Variants in RPIA observed in about 807,000 individuals in gnomAD.
RPIA encodes ribose-5-phosphate isomerase.
In RPIA, 29 loss-of-function variants were observed where a neutral mutation model predicts 37.8. The observed-to-expected ratio is 0.77, with a 90% CI of 0.57 to 1.05. The LOEUF is 1.05. Among genes scored for constraint, RPIA ranks in the 50% least tolerant of loss-of-function variants. The pLI is 0.00. For synonymous variants in RPIA, 167 were observed against 157.0 expected (o/e 1.06, Z -0.48); for missense variants, 385 against 413.6 (o/e 0.93, Z 0.60).
At chr2:88,718,311 T>C (rs950654346) in intron 3 of RPIA, among the ~76,000 whole-genome samples, 2 of 152,216 alleles carry the variant, frequency 1.3e-5, no homozygotes, top group African/African-American at 4.8e-5. Flanking sequence ...CTTGGCCTTA[T>C]TATTTGTATA....
chr2:88,739,475 A>G (rs1673357273), intron 8 of RPIA, among the ~76,000 whole-genome samples: 1 of 152,232 alleles, frequency 6.6e-6, no homozygotes, highest in African/African-American at 2.4e-5. Flanking sequence ...GTGTTTGTTG[A>G]ATGAATAAAT....
In RPIA at chr2:88,734,615, G is replaced by A. The variant is rs757879894; in HGVS notation, c.526G>A (p.Gly176Arg). The A allele has an allele frequency of 5.6e-6, 9 of 1,614,042 alleles. No individual in the cohort carries two copies. The highest frequency in any genetic ancestry group is 7.6e-6 in the Non-Finnish European group (9 of 1,179,990). Reference sequence around the variant, plus strand: ...TGATCTCAATCTCATCAAGGGTGGCGGGTGAGTGTTGTGGGGGCTTCTGTG... The same window carrying A: ...TGATCTCAATCTCATCAAGGGTGGCAGGTGAGTGTTGTGGGGGCTTCTGTG... ...DADLNLIKGGGGCLTQEKIVA... is the reference protein window; with the variant it reads ...DADLNLIKGGRGCLTQEKIVA... The change falls in exon 5 of 9, where the codon GGA (glycine) becomes AGA (arginine). Residue 176 changes from glycine to arginine, a missense_variant and splice_region_variant. Coordinates refer to ENST00000283646, the MANE Select transcript of RPIA (RefSeq NM_144563.3).
Position 88,750,159 on chromosome 2 carries a change from T to C in RPIA, c.*81T>C. 1.0e-6 allele frequency: 1 copy of C among 963,680 alleles called. No homozygotes were observed. 59.7% of individuals were successfully genotyped at this position (963,680 alleles called of 1,614,324 possible). A position where few individuals can be genotyped will look rare whatever the true frequency, so the allele number is the denominator to read the frequency against. On this transcript the variant is annotated 3_prime_UTR_variant, in exon 9 of 9. Transcript: ENST00000283646. ...ACGTACCTCTCCAGGAGCCTTTGCC[T>C]TAATGTATCTCTGCCTGGACAACTT...
At chr2:88,695,226 C>T (rs1031366430) in intron 1 of RPIA, among the ~76,000 whole-genome samples, 3 of 152,152 alleles carry the variant, frequency 2.0e-5, no homozygotes, top group Admixed American at 2.0e-4. Flanking sequence ...GTTAATCAAA[C>T]CCAAAGAGAG....
At chr2:88,692,162 T>C (rs1450936832) in intron 1 of RPIA, among the ~76,000 whole-genome samples, 179 bp downstream of exon 1, 1 of 152,178 alleles carries the variant, frequency 6.6e-6, no homozygotes, top group Non-Finnish European at 1.5e-5. Context: ...CTTAAAGACC[T>C]TTTAGATGTG....
rs772628961 is a variant in RPIA at position 88,699,988 on chromosome 2, A to C, written c.347-21A>C. On this transcript the variant is annotated intron_variant, in intron 2 of 8. Coordinates refer to ENST00000283646, the MANE Select transcript of RPIA (RefSeq NM_144563.3). Reference sequence around the variant, plus strand: ...AAGTAAGGAGAGTGAAAAACTGCCAATATGGCTTTTGTTTCCACAGCTGAA... The same window carrying C: ...AAGTAAGGAGAGTGAAAAACTGCCACTATGGCTTTTGTTTCCACAGCTGAA... 45 of 1,613,776 alleles carry C rather than the reference A, an allele frequency of 2.8e-5. No individual in the cohort carries two copies. In the Admixed American group the frequency reaches 5.7e-4, roughly 20 times the overall value.
chr2:88,748,539 T>A (rs1352263828), intron 8 of RPIA, among the ~76,000 whole-genome samples: 1 of 152,232 alleles, frequency 6.6e-6, no homozygotes, highest in Non-Finnish European at 1.5e-5. Context: ...CCTGGTCCAT[T>A]ATACCTTTTC....
At chr2:88,733,966 G>A (rs1217453183) in intron 4 of RPIA, among the ~76,000 whole-genome samples, 2 of 152,132 alleles carry the variant, frequency 1.3e-5, no homozygotes, top group Non-Finnish European at 2.9e-5. Context: ...TAGTGGCAAT[G>A]CCCCAGTAAT....
intron 5 of RPIA, among the ~76,000 whole-genome samples, chr2:88,735,393 C>G (rs1673303058): frequency 6.6e-6 from 1 of 152,196 alleles, no homozygotes; most frequent in Non-Finnish European, 1.5e-5. Context: ...TCTCCCTGAA[C>G]ACAATGCTCC....
chr2:88,735,676 C>G lies in RPIA; in HGVS notation c.535C>G (p.Leu179Val). Residue 179 changes from leucine (L) to valine (V), a missense_variant, in exon 6 of 9, where the codon CTG becomes GTG. By Grantham distance (32) the Leu-to-Val change is conservative (BLOSUM62 1). This residue lies in a region of RPIA where 153 missense variants were observed against 210.6 expected (regional missense o/e 0.73). Transcript: ENST00000283646. Reference sequence around the variant, plus strand: ...TTTGCTTCTTTCCTGCAGAGGCTGCCTGACCCAGGAGAAGATTGTGGCTGG... The same window carrying G: ...TTTGCTTCTTTCCTGCAGAGGCTGCGTGACCCAGGAGAAGATTGTGGCTGG... The part of the protein sequence containing the change: ...LNLIKGGGGC[L>V]TQEKIVAGYA... 6.2e-7 allele frequency: 1 copy of G among 1,614,100 alleles called. No homozygotes were observed. The highest frequency in any genetic ancestry group is 8.5e-7 in the Non-Finnish European group (1 of 1,180,002).
intron 3 of RPIA, among the ~76,000 whole-genome samples, chr2:88,713,122 T>TATATATATATATATA (rs60868319): frequency 2.3e-5 from 1 of 42,590 alleles, no homozygotes; most frequent in African/African-American, 9.8e-5. Context: ...ATATATATAT[T>TATATATATATATATA]TTTTTTTTTT....
intron 3 of RPIA, among the ~76,000 whole-genome samples, chr2:88,723,010 A>C (rs898435897): frequency 6.6e-6 from 1 of 152,104 alleles, no homozygotes; most frequent in African/African-American, 2.4e-5. Context: ...TTGTTTGTTT[A>C]TTTTTCCCTC....
intron 8 of RPIA, among the ~76,000 whole-genome samples, chr2:88,744,779 T>TAAAATAGACA: frequency 6.6e-6 from 1 of 152,212 alleles, no homozygotes; most frequent in African/African-American, 2.4e-5. Flanking sequence ...CTTGTTGCTT[T>TAAAATAGACA]AAAGTCTATT....
At chr2:88,716,937 C>G (rs1488952637) in intron 3 of RPIA, among the ~76,000 whole-genome samples, 1 of 152,190 alleles carries the variant, frequency 6.6e-6, no homozygotes, top group Non-Finnish European at 1.5e-5. Flanking sequence ...TTAGGTTCAG[C>G]AAAGTATGGA....
intron 1 of RPIA, among the ~76,000 whole-genome samples, chr2:88,694,132 A>G (rs1480923768): frequency 1.3e-5 from 2 of 152,110 alleles, no homozygotes; most frequent in African/African-American, 4.8e-5. Flanking sequence ...GAATGGGGCC[A>G]CTCCTCTAGC....
chr2:88,714,383 G>C (rs780982398), intron 3 of RPIA, among the ~76,000 whole-genome samples: 1 of 152,108 alleles, frequency 6.6e-6, no homozygotes, highest in Non-Finnish European at 1.5e-5. Context: ...TGTTGGCCAG[G>C]CTGGTCTCGA....
chr2:88,703,287 ACT>A (rs1286048435), intron 3 of RPIA, among the ~76,000 whole-genome samples: 2 of 151,944 alleles, frequency 1.3e-5, no homozygotes, highest in East Asian at 1.9e-4. Context: ...CCCAGTAGAG[ACT>A]CTGTGCAGGG....
chr2:88,736,534 G>C lies in RPIA; in HGVS notation c.597-1G>C. 2.5e-6 allele frequency: 4 copies of C among 1,614,082 alleles called. No individual in the cohort carries two copies. The highest frequency in any genetic ancestry group is 3.4e-6 in the Non-Finnish European group (4 of 1,180,018). On this transcript the variant is annotated splice_acceptor_variant, in intron 6 of 8. Coordinates refer to ENST00000283646, the MANE Select transcript of RPIA (RefSeq NM_144563.3). LOFTEE classifies it high-confidence loss of function. ...TGTACTTTCTGACTCCTTCTTTCCA[G>C]GAAAGATTCGAAGAATCTCGGGGAT...
chr2:88,703,070 A>G (rs190820189), intron 3 of RPIA, among the ~76,000 whole-genome samples: 48 of 152,286 alleles, frequency 3.2e-4, no homozygotes, highest in Non-Finnish European at 6.5e-4. Context: ...CATCCAGGTC[A>G]TGCTGATGCT....
Sources: gnomAD v4.1 joint callset for allele counts (sites outside exome capture counted in the v4.1 genomes callset) on GRCh38, gnomAD v4.1.1 for gene constraint, gnomAD v4.1.1 regional missense constraint, MANE v1.5 for transcripts, NCBI Gene and HGNC (gene_info 2026-07-23, HGNC 2026-07-21) for gene names.